Variants in GLYR1 observed in about 807,000 individuals in gnomAD.
The protein encoded by GLYR1 is glyoxylate reductase 1 homolog.
A neutral mutation model predicts 72.7 loss-of-function variants in GLYR1; 21 were observed. The ratio of observed to expected loss-of-function variants is 0.29; its 90% confidence interval spans 0.20 to 0.42. The LOEUF (loss-of-function observed/expected upper bound fraction) is 0.42. Ranked by LOEUF, GLYR1 falls within the 10% of genes least tolerant of loss-of-function variation. GLYR1 has a pLI of 1.00. For missense variants in GLYR1, 594 were observed against 712.1 expected, an observed-to-expected ratio of 0.83 and a Z score of 1.89; for synonymous variants, 392 against 270.2, an observed-to-expected ratio of 1.45 and a Z score of -4.42.
rs143010891 is a variant in GLYR1 at position 4,828,415 on chromosome 16, T to C, written c.537+3564A>G. Among the ~76,000 whole-genome samples, 18 of 152,212 alleles carry C rather than the reference T, an allele frequency of 1.2e-4. 1 individual carries two copies. In the East Asian group the frequency reaches 1.7e-3, roughly 15 times the overall value. On this transcript the variant is annotated intron_variant, in intron 5 of 15. Coordinates refer to ENST00000321919, the MANE Select transcript of GLYR1 (RefSeq NM_032569.4). Reference sequence around the variant, plus strand: ...GACATATTGCTATTGTACCACTTAATAGACTACAGTATAAACCTAACTTTA... The same window carrying C: ...GACATATTGCTATTGTACCACTTAACAGACTACAGTATAAACCTAACTTTA...
chr16:4,841,666 C>T (rs1341734372), intron 3 of GLYR1, among the ~76,000 whole-genome samples: 1 of 151,562 alleles, frequency 6.6e-6, no homozygotes, highest in East Asian at 1.9e-4. Flanking sequence ...ACAACAACAA[C>T]AACAACAACA....
At chr16:4,831,933 C>G (rs1214504134) in intron 5 of GLYR1, 46 bp downstream of exon 5, 1 of 1,593,758 alleles carries the variant, frequency 6.3e-7, no homozygotes, top group East Asian at 2.2e-5. Flanking sequence ...CTACCTTGTA[C>G]TAAAAGGACA....
chr16:4,823,121 G>C (rs996230006), intron 6 of GLYR1, among the ~76,000 whole-genome samples, 190 bp from the exon 7 acceptor site: 1 of 152,214 alleles, frequency 6.6e-6, no homozygotes, highest in African/African-American at 2.4e-5. Flanking sequence ...TCCAGCTAGA[G>C]GAAAACTGGC....
At chr16:4,837,917 G>A (rs188675578) in intron 3 of GLYR1, among the ~76,000 whole-genome samples, 150 of 150,826 alleles carry the variant, frequency 9.9e-4, no homozygotes, top group Middle Eastern at 3.4e-3. Flanking sequence ...GCGACAGAGC[G>A]AGACTCCATC....
Position 4,811,610 on chromosome 16 carries a change from A to C in GLYR1, c.1462+13T>G. The stretch of plus-strand genomic sequence containing the variant: ...AACACCAAATGCAAGAAGAGGGGCC[A>C]AAAACAACTCACTTTGGCACTTCTG... On this transcript the variant is annotated intron_variant, in intron 14 of 15. Coordinates refer to ENST00000321919, the MANE Select transcript of GLYR1 (RefSeq NM_032569.4). 6.2e-7 allele frequency: 1 copy of C among 1,612,330 alleles called. No individual in the cohort carries two copies. Among genetic ancestry groups the C allele is most frequent in the Non-Finnish European group, 8.5e-7 (1 of 1,179,482 alleles).
chr16:4,846,456 G>A (rs539272998), intron 1 of GLYR1, among the ~76,000 whole-genome samples: 1 of 152,362 alleles, frequency 6.6e-6, no homozygotes, highest in African/African-American at 2.4e-5. Context: ...AAAGTCACTT[G>A]TCTAGAGCTT....
rs1421966520 is a variant in GLYR1 at position 4,834,933 on chromosome 16, A to G, written c.156-2021T>C. On this transcript the variant is annotated intron_variant, in intron 3 of 15. Coordinates refer to ENST00000321919, the MANE Select transcript of GLYR1 (RefSeq NM_032569.4). ...TACAGGGATGCTAATGACAGGCCAG[A>G]GCAATCAGATGCAAAGTCAGACCCA... Among the ~76,000 whole-genome samples the G allele has an allele frequency of 2.0e-5, 3 of 152,290 alleles. 1 individual carries two copies. Among genetic ancestry groups the G allele is most frequent in the Non-Finnish European group, 4.4e-5 (3 of 68,024 alleles).
rs1307347139 is a variant in GLYR1, at chr16:4,808,256, A to G, written c.1587+2914T>C. Among the ~76,000 whole-genome samples, 3 of 148,628 alleles carry G rather than the reference A, an allele frequency of 2.0e-5. No individual in the cohort carries two copies. The East Asian group carries it at 6.1e-4, about 30-fold the overall frequency. ...GTCTCAAAAAAAAAAAAAAAAAAAA[A>G]TACAATTCAGGAACAGAGAATTATA... On this transcript the variant is annotated intron_variant, in intron 15 of 15. Transcript: ENST00000321919.
intron 15 of GLYR1, among the ~76,000 whole-genome samples, chr16:4,810,699 T>TAAAAAAA (rs551202037): frequency 3.2e-4 from 7 of 21,818 alleles, no homozygotes; most frequent in Admixed American, 6.9e-4. Flanking sequence ...CTGTCTCTAC[T>TAAAAAAA]AAAAAAAAAA....
intron 3 of GLYR1, among the ~76,000 whole-genome samples, chr16:4,844,498 G>A (rs1472574863): frequency 2.6e-5 from 4 of 152,188 alleles, no homozygotes; most frequent in African/African-American, 2.4e-5. Flanking sequence ...CCAGCTGGGC[G>A]CAGTGGCTCA....
intron 3 of GLYR1, among the ~76,000 whole-genome samples, chr16:4,838,482 T>TG: frequency 6.6e-6 from 1 of 152,312 alleles, no homozygotes; most frequent in East Asian, 1.9e-4. Context: ...CTCCACTGTT[T>TG]GTCCACAATC....
intron 4 of GLYR1, chr16:4,832,457 A>G (rs2084861617): frequency 1.7e-6 from 1 of 600,272 alleles, no homozygotes; most frequent in South Asian, 2.2e-5. Context: ...AAATCTAGGC[A>G]GTATATGTAT....
At chr16:4,822,526 G>A (rs2141988979) in intron 7 of GLYR1, among the ~76,000 whole-genome samples, 1 of 152,092 alleles carries the variant, frequency 6.6e-6, no homozygotes, top group African/African-American at 2.4e-5. Flanking sequence ...GAGTAGCTGG[G>A]ATTACAGGCA....
chr16:4,845,036 AG>A, intron 3 of GLYR1, 37 bp downstream of exon 3: 4 of 1,388,092 alleles, frequency 2.9e-6, no homozygotes, highest in African/African-American at 1.4e-5. Context: ...TAACACAGAA[AG>A]AAAGGCGAAG....
At chr16:4,826,756 G>C (rs945532322) in intron 5 of GLYR1, among the ~76,000 whole-genome samples, 4 of 152,178 alleles carry the variant, frequency 2.6e-5, no homozygotes, top group African/African-American at 9.7e-5. Context: ...CACACAATAG[G>C]GTGATGGAGA....
At chr16:4,827,176 C>T (rs1311521202) in intron 5 of GLYR1, among the ~76,000 whole-genome samples, 1 of 152,224 alleles carries the variant, frequency 6.6e-6, no homozygotes, top group Non-Finnish European at 1.5e-5. Context: ...GAGATTATGT[C>T]CCGGAATGGC....
At chr16:4,806,950 G>A (rs1454067106) in intron 15 of GLYR1, among the ~76,000 whole-genome samples, 13 of 151,542 alleles carry the variant, frequency 8.6e-5, no homozygotes, top group Admixed American at 8.6e-4. Context: ...GGGACTACAG[G>A]CGCCCGCCAC....
chr16:4,813,682 G>A (rs1475324939), intron 12 of GLYR1, 55 bp downstream of exon 12: 11 of 1,445,312 alleles, frequency 7.6e-6, no homozygotes, highest in East Asian at 2.5e-5. Context: ...GTAAGCCTGG[G>A]TCTTGGGCTC....
intron 3 of GLYR1, among the ~76,000 whole-genome samples, chr16:4,844,089 G>T (rs1731595988): frequency 6.7e-6 from 1 of 148,568 alleles, no homozygotes; most frequent in African/African-American, 2.5e-5. Flanking sequence ...ACTCCAGCCT[G>T]GGTGACAGAG....
Sources: gnomAD v4.1 joint callset for allele counts (sites outside exome capture counted in the v4.1 genomes callset) on GRCh38, gnomAD v4.1.1 for gene constraint, MANE v1.5 for transcripts, NCBI Gene and HGNC (gene_info 2026-07-23, HGNC 2026-07-21) for gene names.